ASIC2: variants seen among roughly 807,000 people sequenced by gnomAD.
ASIC2 encodes the protein acid sensing ion channel subunit 2.
ASIC2 carries 25 observed loss-of-function variants against 57.3 expected under a neutral mutation model. The ratio of observed to expected loss-of-function variants is 0.44; its 90% confidence interval spans 0.32 to 0.61. The LOEUF (loss-of-function observed/expected upper bound fraction) is 0.61, where lower values mean the gene tolerates loss of function less well. Ranked by LOEUF, ASIC2 falls within the 20% of genes least tolerant of loss-of-function variation. The pLI is 0.06. For synonymous variants in ASIC2, 319 were observed against 307.5 expected (o/e 1.04, Z -0.39); for missense variants, 641 against 738.1 (o/e 0.87, Z 1.52).
At position 33,426,395 on chromosome 17, in the gene ASIC2, C is replaced by A. The variant is rs532145942; in HGVS notation, c.556-314328G>T. ...GTTACTCTATAAGAGCCCTCTGTAC[C>A]AAAACGCAGGAGCCCAGTCATCCCT... On this transcript the variant is annotated intron_variant, in intron 1 of 9. Transcript: ENST00000359872. Among the ~76,000 whole-genome samples, 23 of 152,302 alleles carry A rather than the reference C, an allele frequency of 1.5e-4. 1 individual carries two copies. The South Asian group carries it at 3.3e-3, about 22-fold the overall frequency.
intron 1 of ASIC2, among the ~76,000 whole-genome samples, chr17:33,469,331 G>A (rs577227933): frequency 1.3e-5 from 2 of 152,180 alleles, no homozygotes; most frequent in South Asian, 2.1e-4. Context: ...CAAGGGCAGA[G>A]ACCATGAGGA....
chr17:33,376,570 C>T (rs1046526086), intron 1 of ASIC2, among the ~76,000 whole-genome samples: 2 of 152,152 alleles, frequency 1.3e-5, no homozygotes, highest in African/African-American at 2.4e-5. Flanking sequence ...TTCAATCCAT[C>T]GCAATTCTGA....
intron 1 of ASIC2, among the ~76,000 whole-genome samples, chr17:33,365,019 G>A (rs1306794937): frequency 6.6e-6 from 1 of 152,174 alleles, no homozygotes; most frequent in Non-Finnish European, 1.5e-5. Context: ...TCAATATCAA[G>A]CTCTTTAGCA....
intron 1 of ASIC2, among the ~76,000 whole-genome samples, chr17:33,746,631 A>G (rs1397202914): frequency 2.0e-5 from 3 of 152,064 alleles, no homozygotes; most frequent in Non-Finnish European, 4.4e-5. Context: ...AATAATGGTT[A>G]GAGGCTTTAA....
chr17:33,089,934 T>C (rs2092150845), intron 2 of ASIC2, among the ~76,000 whole-genome samples: 1 of 152,194 alleles, frequency 6.6e-6, no homozygotes, highest in Admixed American at 6.5e-5. Flanking sequence ...TATGGGACTG[T>C]ATAAGCCTTT....
intron 1 of ASIC2, among the ~76,000 whole-genome samples, chr17:33,489,067 A>G (rs1913669198): frequency 2.6e-5 from 4 of 152,140 alleles, no homozygotes; most frequent in Admixed American, 2.6e-4. Context: ...AGAAGAGACC[A>G]CATACCATTC....
chr17:33,855,733 G>C (rs758690057), intron 1 of ASIC2, among the ~76,000 whole-genome samples: 1 of 152,138 alleles, frequency 6.6e-6, no homozygotes, highest in Non-Finnish European at 1.5e-5. Flanking sequence ...TCTGAGGATT[G>C]TGCTCCCTTT....
At chr17:34,060,642 T>C (rs2189327) in intron 1 of ASIC2, among the ~76,000 whole-genome samples, 72,805 of 151,858 alleles carry the variant, frequency 0.48, 20,565 homozygotes, top group Middle Eastern at 0.63. Context: ...ATAGATAGCA[T>C]AAAGAAAAAA....
At chr17:33,875,430 C>T (rs544785198) in intron 1 of ASIC2, among the ~76,000 whole-genome samples, 4 of 152,118 alleles carry the variant, frequency 2.6e-5, no homozygotes, top group Non-Finnish European at 4.4e-5. Context: ...AAAAGTGGCT[C>T]AAAGTGAGAG....
chr17:33,693,583 T>A (rs1210135485), intron 1 of ASIC2, among the ~76,000 whole-genome samples: 2 of 152,118 alleles, frequency 1.3e-5, no homozygotes, highest in African/African-American at 2.4e-5. Context: ...ACCAGAAGGA[T>A]CTGGGTAGAC....
At chr17:34,069,045 A>G (rs1200409114) in intron 1 of ASIC2, among the ~76,000 whole-genome samples, 1 of 152,224 alleles carries the variant, frequency 6.6e-6, no homozygotes, top group Non-Finnish European at 1.5e-5. Flanking sequence ...TCCCACTGAC[A>G]CAGGAGAGTG....
At chr17:33,603,095 C>T (rs1905147676) in intron 1 of ASIC2, among the ~76,000 whole-genome samples, 1 of 152,248 alleles carries the variant, frequency 6.6e-6, no homozygotes, top group South Asian at 2.1e-4. Flanking sequence ...CCTCTGTGTG[C>T]CATGCTTTTC....
At position 33,644,971 on chromosome 17, in the gene ASIC2, A is replaced by G. The variant is rs566308750; in HGVS notation, c.555+511007T>C. On this transcript the variant is annotated intron_variant, in intron 1 of 9. Transcript: ENST00000359872. Reference sequence around the variant, plus strand: ...TATGTCGGTTGATAGATAGGTAATAAGGATAATTGCCATCATTATTATTTT... The same window carrying G: ...TATGTCGGTTGATAGATAGGTAATAGGGATAATTGCCATCATTATTATTTT... Among the ~76,000 whole-genome samples, 6 of 152,362 alleles carry G rather than the reference A, an allele frequency of 3.9e-5. No homozygotes were observed. The South Asian group carries it at 6.2e-4, about 16-fold the overall frequency.
chr17:33,471,850 AC>A (rs1913061137), intron 1 of ASIC2, among the ~76,000 whole-genome samples: 1 of 152,146 alleles, frequency 6.6e-6, no homozygotes, highest in Non-Finnish European at 1.5e-5. Flanking sequence ...ACTGTGTTAA[AC>A]CATTTATATG....
intron 1 of ASIC2, among the ~76,000 whole-genome samples, chr17:33,859,871 G>T (rs190745419): frequency 2.0e-5 from 3 of 152,178 alleles, no homozygotes; most frequent in Admixed American, 2.0e-4. Context: ...CAAAATTGTA[G>T]AAACGGGGCC....
chr17:33,957,280 G>A (rs142092386), intron 1 of ASIC2, among the ~76,000 whole-genome samples: 3 of 152,328 alleles, frequency 2.0e-5, no homozygotes, highest in African/African-American at 2.4e-5. Context: ...TAGAAGAGAA[G>A]AGAAGCAACA....
intron 1 of ASIC2, among the ~76,000 whole-genome samples, chr17:33,743,343 G>C (rs1910165913): frequency 6.6e-6 from 1 of 152,212 alleles, no homozygotes; most frequent in Non-Finnish European, 1.5e-5. Context: ...ACCCAGTTCA[G>C]CTTGATGGAA....
intron 1 of ASIC2, chr17:33,565,798 T>C (rs1253985765): frequency 6.6e-6 from 1 of 152,260 alleles, no homozygotes; most frequent in East Asian, 1.9e-4. Context: ...CTCTGGACGC[T>C]GTCCTGTGTG....
intron 1 of ASIC2, among the ~76,000 whole-genome samples, chr17:33,489,605 G>C (rs1913686703): frequency 6.6e-6 from 1 of 152,210 alleles, no homozygotes; most frequent in Non-Finnish European, 1.5e-5. Context: ...TAAGACCTCA[G>C]ATTCCAGGCC....
Sources: gnomAD v4.1 joint callset for allele counts (sites outside exome capture counted in the v4.1 genomes callset) on GRCh38, gnomAD v4.1.1 for gene constraint, MANE v1.5 for transcripts, NCBI Gene and HGNC (gene_info 2026-07-23, HGNC 2026-07-21) for gene names.